ANKRD13A: variants seen among roughly 807,000 people sequenced by gnomAD.
ANKRD13A encodes the protein ankyrin repeat domain 13A.
A neutral mutation model predicts 81.3 loss-of-function variants in ANKRD13A; 48 were observed. That is an observed-to-expected ratio of 0.59 (90% confidence interval 0.47 to 0.75). ANKRD13A has a LOEUF of 0.75. Ranked by LOEUF, ANKRD13A falls within the 30% of genes least tolerant of loss-of-function variation. The probability of loss-of-function intolerance (pLI) is 0.00; values close to 1 mark genes in which losing one functional copy is unlikely to be tolerated. For synonymous variants in ANKRD13A, 230 were observed against 270.1 expected, an observed-to-expected ratio of 0.85 and a Z score of 1.45; for missense variants, 612 against 734.0, an observed-to-expected ratio of 0.83 and a Z score of 1.92.
intron 1 of ANKRD13A, among the ~76,000 whole-genome samples, chr12:110,001,745 A>T (rs1889989076): frequency 6.7e-6 from 1 of 149,606 alleles, no homozygotes; most frequent in Non-Finnish European, 1.5e-5. Context: ...AGAATTCCAG[A>T]TACGATAAAC....
rs946968974 is a variant in ANKRD13A at position 109,999,466 on chromosome 12, C to T, written c.-223C>T. 13 of 249,240 alleles carry T rather than the reference C, an allele frequency of 5.2e-5. No homozygotes were observed. The highest frequency in any genetic ancestry group is 1.1e-4 in the Admixed American group (2 of 18,070). 15.4% of individuals were successfully genotyped at this position (249,240 alleles called of 1,614,324 possible). On this transcript the variant is annotated 5_prime_UTR_variant, in exon 1 of 15. In the 5' UTR this introduces an upstream ATG that the reference lacks. Transcript: ENST00000261739. The surrounding 1 kb of genome is among the most constrained non-coding windows in gnomAD (Gnocchi z 4.3). ...CGCGAGCTGTCAGCGCGGGCGGGAA[C>T]GCCGCGGGGCGCGGGGTGGGCGCGG...
At chr12:110,030,102 C>T (rs1224328501) in intron 11 of ANKRD13A, among the ~76,000 whole-genome samples, 1 of 151,962 alleles carries the variant, frequency 6.6e-6, no homozygotes. Flanking sequence ...GTTGTATGTT[C>T]ATGATACTTG....
At chr12:110,016,284 T>C (rs963550465) in intron 3 of ANKRD13A, 104 bp from the exon 4 acceptor site, 15 of 835,154 alleles carry the variant, frequency 1.8e-5, no homozygotes, top group Middle Eastern at 2.5e-4. Context: ...TTTTCTCTTT[T>C]TTTTTTTTTT....
intron 7 of ANKRD13A, 96 bp downstream of exon 7, chr12:110,024,208 G>A (rs1891211303): frequency 9.4e-7 from 1 of 1,066,766 alleles, no homozygotes; most frequent in Non-Finnish European, 1.4e-6. Flanking sequence ...TCTGTGCCAT[G>A]GAGATGCTCT....
chr12:110,035,342 T>C (rs1310027078), intron 13 of ANKRD13A, among the ~76,000 whole-genome samples: 1 of 152,174 alleles, frequency 6.6e-6, no homozygotes, highest in East Asian at 1.9e-4. Context: ...CAGTGGCTCA[T>C]GCCTATAATC....
intron 12 of ANKRD13A, among the ~76,000 whole-genome samples, chr12:110,033,261 A>C (rs1363690529): frequency 6.8e-6 from 1 of 148,136 alleles, no homozygotes; most frequent in Middle Eastern, 3.5e-3. Context: ...ACGGGGTTTC[A>C]CCATGTTAGC....
intron 10 of ANKRD13A, 102 bp from the exon 11 acceptor site, chr12:110,029,376 G>A: frequency 8.0e-7 from 1 of 1,252,806 alleles, no homozygotes; most frequent in Non-Finnish European, 1.1e-6. Context: ...ACTGGGCAGA[G>A]TGTGGAGTAA....
In ANKRD13A at chr12:110,036,052, G is replaced by A. The variant is rs1892027283; in HGVS notation, c.1510-209G>A. 6.6e-6 allele frequency among the ~76,000 whole-genome samples: 1 copy of A among 152,098 alleles called. No homozygotes were observed. Among genetic ancestry groups the A allele is most frequent in the African/African-American group, 2.4e-5 (1 of 41,376 alleles). On this transcript the variant is annotated intron_variant, in intron 13 of 14. Transcript: ENST00000261739. This position sits in a 1 kb window ranked among gnomAD's most constrained non-coding sequence, Gnocchi z 4.6. ...TTTGTACAAAGGATGAGAAGGTTGTGGCTGTGAGTTAGGCTGTGGCATGTT... is the reference window on the plus strand; with the variant it reads ...TTTGTACAAAGGATGAGAAGGTTGTAGCTGTGAGTTAGGCTGTGGCATGTT...
intron 10 of ANKRD13A, 119 bp from the exon 11 acceptor site, chr12:110,029,359 A>T (rs1891544462): frequency 9.1e-7 from 1 of 1,102,680 alleles, no homozygotes. Flanking sequence ...GTCTGAATTA[A>T]GAGATGACTG....
intron 2 of ANKRD13A, among the ~76,000 whole-genome samples, chr12:110,012,915 G>A (rs1484225132): frequency 6.6e-6 from 1 of 152,116 alleles, no homozygotes; most frequent in Non-Finnish European, 1.5e-5. Context: ...CGGGAGAGGT[G>A]GACGGGGTTT....
rs1891861275 is a variant in ANKRD13A, at chr12:110,033,877, A to T, written c.1429A>T (p.Asn477Tyr). Reference protein sequence around the residue: ...ESYYVQDNGRNVHLQDEDYEI... With the variant: ...ESYYVQDNGRYVHLQDEDYEI... ...TTACTATGTTCAAGACAATGGCAGA[A>T]ATGTGCATTTGCAAGATGAAGATTA... The change falls in exon 13 of 15, where the codon AAT becomes TAT. Residue 477 changes from asparagine (N) to tyrosine (Y), a missense_variant. Asn to Tyr is a moderately radical substitution (Grantham distance 143, BLOSUM62 -2). Coordinates refer to ENST00000261739, the MANE Select transcript of ANKRD13A (RefSeq NM_033121.2). 6 of 1,613,698 alleles carry T rather than the reference A, an allele frequency of 3.7e-6. No homozygotes were observed. Among genetic ancestry groups the T allele is most frequent in the Non-Finnish European group, 5.1e-6 (6 of 1,179,828 alleles).
In ANKRD13A at chr12:110,038,086, TCCTC is replaced by T. The variant is rs1388483919; in HGVS notation, c.*534_*537del. ...GTTTCTAGGACATTGTCATTATTCTTCCTCCATCTATCTGATTCCATTCCTTCCA... is the reference window on the plus strand; with the variant it reads ...GTTTCTAGGACATTGTCATTATTCTTCATCTATCTGATTCCATTCCTTCCA... On this transcript the variant is annotated 3_prime_UTR_variant, in exon 15 of 15. Transcript: ENST00000261739. 1 of 152,650 alleles carries T rather than the reference TCCTC, an allele frequency of 6.6e-6. No homozygotes were observed. The highest frequency in any genetic ancestry group is 2.4e-5 in the African/African-American group (1 of 41,436). The allele number at this position is 152,650 out of a possible 1,614,324, so 9.5% of individuals were successfully genotyped here. A position where few individuals can be genotyped will look rare whatever the true frequency, so the allele number is the denominator to read the frequency against.
chr12:110,029,368 TG>T, intron 10 of ANKRD13A, 109 bp from the exon 11 acceptor site: 1 of 1,174,648 alleles, frequency 8.5e-7, no homozygotes, highest in Non-Finnish European at 1.2e-6. Context: ...AAGAGATGAC[TG>T]GGCAGAGTGT....
At chr12:110,028,249 C>A (rs1204751101) in intron 9 of ANKRD13A, 1 of 388,118 alleles carries the variant, frequency 2.6e-6, no homozygotes, top group Non-Finnish European at 4.6e-6. Flanking sequence ...TCAGATATTT[C>A]TTTCTTTTTT....
Position 110,028,497 on chromosome 12 carries a change from G to C in ANKRD13A, c.946-15G>C. On this transcript the variant is annotated splice_polypyrimidine_tract_variant and intron_variant, in intron 9 of 14. Coordinates refer to ENST00000261739, the MANE Select transcript of ANKRD13A (RefSeq NM_033121.2). The stretch of plus-strand genomic sequence containing the variant: ...CATTTGGCATTTCTGACTCTCCTGA[G>C]TTCTGGCTCAGCAGGACCTCACCAC... 6.2e-7 allele frequency: 1 copy of C among 1,613,764 alleles called. No individual in the cohort carries two copies.
At chr12:110,027,894 A>C (rs762151064) in intron 9 of ANKRD13A, 128 bp downstream of exon 9, 42 of 793,252 alleles carry the variant, frequency 5.3e-5, no homozygotes, top group African/African-American at 8.6e-5. Context: ...CCCAAGCTGG[A>C]ATTTGAGATA....
chr12:110,004,803 C>T (rs1464638107), intron 1 of ANKRD13A, among the ~76,000 whole-genome samples: 2 of 152,160 alleles, frequency 1.3e-5, no homozygotes, highest in Non-Finnish European at 2.9e-5. Flanking sequence ...ATGATAATAA[C>T]AGGTAACTCT....
At chr12:110,025,107 G>C (rs1441880282) in intron 7 of ANKRD13A, among the ~76,000 whole-genome samples, 2 of 152,204 alleles carry the variant, frequency 1.3e-5, no homozygotes, top group Non-Finnish European at 2.9e-5. Flanking sequence ...TGTAATCCCA[G>C]CACTTTGGGA....
chr12:110,015,735 T>C (rs1005582047), intron 3 of ANKRD13A, among the ~76,000 whole-genome samples: 1 of 152,030 alleles, frequency 6.6e-6, no homozygotes, highest in Non-Finnish European at 1.5e-5. Flanking sequence ...ATAGTGGAGA[T>C]GGGGTTTCAC....
Sources: allele counts gnomAD v4.1 joint callset (sites outside exome capture counted in the v4.1 genomes callset), GRCh38; gene constraint gnomAD v4.1.1; non-coding constraint Gnocchi (gnomAD v3.1); transcripts MANE v1.5; gene names NCBI Gene and HGNC (gene_info 2026-07-23, HGNC 2026-07-21).